CACNA2D3: variants seen among roughly 807,000 people sequenced by gnomAD.
CACNA2D3 encodes the protein calcium voltage-gated channel auxiliary subunit alpha2delta 3.
Under a neutral mutation model 160.6 loss-of-function variants are expected in CACNA2D3, and 60 were observed. The observed-to-expected ratio is 0.37, with a 90% CI of 0.30 to 0.46. CACNA2D3 has a LOEUF of 0.46. Among genes scored for constraint, CACNA2D3 ranks in the 20% least tolerant of loss-of-function variants. The probability of loss-of-function intolerance (pLI) is 1.00; values close to 1 mark genes in which losing one functional copy is unlikely to be tolerated. For synonymous variants in CACNA2D3, 558 were observed against 492.9 expected (o/e 1.13, Z -1.75); for missense variants, 1,205 against 1,365.0 (o/e 0.88, Z 1.85).
At chr3:54,984,887 G>A (rs1575422215) in intron 30 of CACNA2D3, among the ~76,000 whole-genome samples, 1 of 152,142 alleles carries the variant, frequency 6.6e-6, no homozygotes, top group Non-Finnish European at 1.5e-5. Context: ...GGGTGCAGGG[G>A]GGTGACAGTG....
chr3:54,163,542 T>C (rs1338286378), intron 2 of CACNA2D3, among the ~76,000 whole-genome samples: 1 of 152,182 alleles, frequency 6.6e-6, no homozygotes, highest in Non-Finnish European at 1.5e-5. Flanking sequence ...CGCGTTTCAT[T>C]AGTGAAAATA....
intron 4 of CACNA2D3, among the ~76,000 whole-genome samples, chr3:54,412,167 G>A (rs1423797793): frequency 6.6e-6 from 1 of 152,120 alleles, no homozygotes; most frequent in Non-Finnish European, 1.5e-5. Flanking sequence ...AGTGTTGGAT[G>A]AATTCTTTCT....
intron 11 of CACNA2D3, among the ~76,000 whole-genome samples, chr3:54,648,627 A>G (rs770671461): frequency 1.3e-5 from 2 of 152,210 alleles, no homozygotes; most frequent in Non-Finnish European, 2.9e-5. Flanking sequence ...GTGTTAGTCC[A>G]TTCTGCGTTA....
chr3:54,445,445 T>C (rs1700206147), intron 4 of CACNA2D3, among the ~76,000 whole-genome samples: 1 of 152,166 alleles, frequency 6.6e-6, no homozygotes, highest in South Asian at 2.1e-4. Context: ...TATTAATTCA[T>C]AGATAAAAGC....
intron 3 of CACNA2D3, among the ~76,000 whole-genome samples, chr3:54,322,392 AT>A (rs1704023580): frequency 2.0e-5 from 3 of 152,244 alleles, no homozygotes; most frequent in South Asian, 4.1e-4. Context: ...TTGAGTTCAG[AT>A]GCACCAGCCC....
intron 4 of CACNA2D3, among the ~76,000 whole-genome samples, chr3:54,404,637 G>A (rs1699537304): frequency 1.3e-5 from 2 of 152,028 alleles, no homozygotes; most frequent in South Asian, 4.1e-4. Context: ...AGCAAGAGCA[G>A]TTAGACAAAA....
intron 27 of CACNA2D3, among the ~76,000 whole-genome samples, chr3:54,911,933 C>G (rs779880765): frequency 6.6e-6 from 1 of 152,148 alleles, no homozygotes; most frequent in African/African-American, 2.4e-5. Flanking sequence ...TTGTACAGTA[C>G]CTGTGAGTCA....
Position 54,763,733 on chromosome 3 carries a change from ATG to A in CACNA2D3, c.1247-481_1247-480del, listed in dbSNP as rs1553838435. On this transcript the variant is annotated intron_variant, in intron 12 of 37. Transcript: ENST00000474759. ...TATATATGTACATATATACATATAT[ATG>A]TGTATATATGTGCATATATATACAC... Among the ~76,000 whole-genome samples, 56 of 72,442 alleles carry A rather than the reference ATG, an allele frequency of 7.7e-4. 1 individual carries two copies. The highest frequency in any genetic ancestry group is 1.8e-3 in the African/African-American group (50 of 27,386). 47.5% of individuals were successfully genotyped at this position (72,442 alleles called of 152,430 possible). A position where few individuals can be genotyped will look rare whatever the true frequency, so the allele number is the denominator to read the frequency against.
intron 13 of CACNA2D3, among the ~76,000 whole-genome samples, chr3:54,811,465 CTTTTTTTTTTTTTTTTTTTTTTT>C (rs71096451): frequency 7.2e-5 from 8 of 111,616 alleles, no homozygotes; most frequent in South Asian, 3.4e-4. Context: ...TCCCTCAGTT[CTTTTTTTTTTTTTTTTTTTTTTT>C]TTTTTTTTTT....
chr3:54,518,892 A>G (rs1701598376), intron 5 of CACNA2D3, among the ~76,000 whole-genome samples: 1 of 152,202 alleles, frequency 6.6e-6, no homozygotes, highest in African/African-American at 2.4e-5. Flanking sequence ...AGAATATTTG[A>G]AAATGACATT....
chr3:54,812,261 A>C (rs894091048), intron 13 of CACNA2D3, among the ~76,000 whole-genome samples: 1 of 152,224 alleles, frequency 6.6e-6, no homozygotes, highest in Non-Finnish European at 1.5e-5. Flanking sequence ...AGCTTGGCTA[A>C]AATTAGGGTT....
chr3:54,581,103 G>A (rs541548192), intron 8 of CACNA2D3, among the ~76,000 whole-genome samples: 2 of 152,184 alleles, frequency 1.3e-5, no homozygotes, highest in African/African-American at 4.8e-5. Context: ...GAGGCAACAC[G>A]ATCAGATGTG....
intron 9 of CACNA2D3, among the ~76,000 whole-genome samples, chr3:54,619,116 A>T (rs1698926067): frequency 6.6e-6 from 1 of 152,232 alleles, no homozygotes; most frequent in African/African-American, 2.4e-5. Context: ...CGTCCTGTCC[A>T]TGCAGCACTG....
At chr3:54,648,091 A>C (rs986031487) in intron 11 of CACNA2D3, among the ~76,000 whole-genome samples, 1 of 152,202 alleles carries the variant, frequency 6.6e-6, no homozygotes, top group Non-Finnish European at 1.5e-5. Flanking sequence ...CCCTTGTTGC[A>C]CAAGACAGAG....
intron 9 of CACNA2D3, among the ~76,000 whole-genome samples, chr3:54,585,893 A>G (rs1323561271): frequency 6.6e-6 from 1 of 152,168 alleles, no homozygotes; most frequent in Non-Finnish European, 1.5e-5. Context: ...CATCAGTGTC[A>G]AGGCAGAGAT....
chr3:54,381,420 T>G (rs1699100750), intron 3 of CACNA2D3, among the ~76,000 whole-genome samples: 1 of 152,206 alleles, frequency 6.6e-6, no homozygotes, highest in African/African-American at 2.4e-5. Flanking sequence ...CCTTCCCGCC[T>G]CTCACCGCAC....
At chr3:54,134,002 A>G (rs1699768116) in intron 2 of CACNA2D3, among the ~76,000 whole-genome samples, 1 of 152,218 alleles carries the variant, frequency 6.6e-6, no homozygotes, top group Non-Finnish European at 1.5e-5. Context: ...ACACCCAGGA[A>G]GTGCCGAGTA....
chr3:54,208,108 ACT>A (rs1301527757), intron 2 of CACNA2D3, among the ~76,000 whole-genome samples: 1 of 151,970 alleles, frequency 6.6e-6, no homozygotes. Flanking sequence ...TGTTCATGGA[ACT>A]GCCTTTCTTT....
intron 27 of CACNA2D3, among the ~76,000 whole-genome samples, chr3:54,964,917 C>G (rs1332154682): frequency 1.3e-5 from 2 of 152,008 alleles, no homozygotes; most frequent in Middle Eastern, 6.8e-3. Context: ...TACTCTCATT[C>G]TCCCATTTCC....
Sources: gnomAD v4.1 joint callset for allele counts (sites outside exome capture counted in the v4.1 genomes callset) on GRCh38, gnomAD v4.1.1 for gene constraint, MANE v1.5 for transcripts, NCBI Gene and HGNC (gene_info 2026-07-23, HGNC 2026-07-21) for gene names.